The following TNR variants were observed in gnomAD, a reference collection of about 807,000 sequenced individuals.
TNR encodes the protein tenascin R.
A neutral mutation model predicts 150.4 loss-of-function variants in TNR; 45 were observed. That is an observed-to-expected ratio of 0.30 (90% CI 0.24 to 0.38). TNR has a LOEUF of 0.38. TNR is among the 10% of genes least tolerant of loss of function. The probability of loss-of-function intolerance (pLI) is 1.00; values close to 1 mark genes in which losing one functional copy is unlikely to be tolerated. For missense variants in TNR, 1,544 were observed against 1,759.1 expected, an observed-to-expected ratio of 0.88 and a Z score of 2.19; for synonymous variants, 687 against 678.4, an observed-to-expected ratio of 1.01 and a Z score of -0.20.
intron 1 of TNR, among the ~76,000 whole-genome samples, chr1:175,564,290 C>T (rs376447755): frequency 6.6e-6 from 1 of 152,086 alleles, no homozygotes; most frequent in Non-Finnish European, 1.5e-5. Context: ...GCAGGACGGG[C>T]GGCTGCGAAG....
At chr1:175,442,152 T>A (rs1655818656) in intron 2 of TNR, among the ~76,000 whole-genome samples, 1 of 152,230 alleles carries the variant, frequency 6.6e-6, no homozygotes, top group African/African-American at 2.4e-5. Flanking sequence ...CAGTCAATTT[T>A]AGTTTGCCTC....
chr1:175,391,231 G>A (rs1237517455), intron 7 of TNR, 57 bp downstream of exon 7: 5 of 1,589,050 alleles, frequency 3.1e-6, no homozygotes, highest in Admixed American at 3.5e-5. Context: ...CAATTCTGTG[G>A]TTCTTTTCCA....
At chr1:175,447,017 G>A (rs1656085557) in intron 2 of TNR, among the ~76,000 whole-genome samples, 1 of 152,184 alleles carries the variant, frequency 6.6e-6, no homozygotes, top group East Asian at 1.9e-4. Context: ...ACATATATGT[G>A]TGGTATGTTA....
chr1:175,470,038 G>A (rs1657214919), intron 2 of TNR, among the ~76,000 whole-genome samples: 1 of 152,140 alleles, frequency 6.6e-6, no homozygotes, highest in Non-Finnish European at 1.5e-5. Flanking sequence ...TTTCTAACTG[G>A]CATGGTTGGT....
At chr1:175,574,745 G>T (rs1662033312) in intron 1 of TNR, among the ~76,000 whole-genome samples, 1 of 152,222 alleles carries the variant, frequency 6.6e-6, no homozygotes, top group Non-Finnish European at 1.5e-5. Context: ...ACCCTTGTGT[G>T]TAAGGACTGC....
At chr1:175,407,074 G>C (rs943464482) in intron 2 of TNR, among the ~76,000 whole-genome samples, 11 of 152,218 alleles carry the variant, frequency 7.2e-5, no homozygotes, top group African/African-American at 2.7e-4. Context: ...CATGAGGGCT[G>C]GGGGCTGGGG....
intron 2 of TNR, among the ~76,000 whole-genome samples, chr1:175,440,391 G>A (rs1655729119): frequency 6.9e-6 from 1 of 145,886 alleles, no homozygotes; most frequent in Non-Finnish European, 1.5e-5. Context: ...GGCGGGTGGG[G>A]GGAGGGATAG....
chr1:175,541,438 AC>A (rs1167359200), intron 1 of TNR, among the ~76,000 whole-genome samples: 1 of 152,234 alleles, frequency 6.6e-6, no homozygotes, highest in Non-Finnish European at 1.5e-5. Flanking sequence ...CAGAGGGAAA[AC>A]AAACAAGTGA....
intron 1 of TNR, among the ~76,000 whole-genome samples, chr1:175,721,515 C>T (rs576231332): frequency 2.4e-4 from 37 of 152,256 alleles, no homozygotes; most frequent in Non-Finnish European, 5.0e-4. Flanking sequence ...CACCCAGCTG[C>T]CTCCTAACTG....
rs561793293 is a variant in TNR at position 175,522,736 on chromosome 1, A to G, written c.-64+5533T>C. 7.5e-4 allele frequency among the ~76,000 whole-genome samples: 114 copies of G among 152,316 alleles called. 1 individual carries two copies. The highest frequency in any genetic ancestry group is 6.8e-3 in the Middle Eastern group (2 of 294). ...AAAGATGCCCCCCCACAAAAAATAA[A>G]GCTGTTATGAGGCCATTTAGGTCCA... On this transcript the variant is annotated intron_variant, in intron 2 of 22. Transcript: ENST00000367674.
At position 175,396,786 on chromosome 1, in the gene TNR, C is replaced by T. The variant is rs776885692; in HGVS notation, c.998G>A (p.Arg333Gln). 8 of 1,613,870 alleles carry T rather than the reference C, an allele frequency of 5.0e-6. No homozygotes were observed. The highest frequency in any genetic ancestry group is 4.5e-5 in the East Asian group (2 of 44,874). ...CSAVAPPEDL[R>Q]VAGISDRSIE... ...GGACCTGTCGCTGATACCAGCCACT[C>T]GCAAGTCCTCTGGAGGGGCAACTAC... The change falls in exon 5 of 23, where the codon CGA becomes CAA. Residue 333 changes from arginine to glutamine, a missense_variant. Physicochemically the swap from Arg to Gln is conservative, Grantham distance 43 (BLOSUM62 1). Transcript: ENST00000367674.
At chr1:175,473,968 G>A (rs554042743) in intron 2 of TNR, among the ~76,000 whole-genome samples, 1 of 152,232 alleles carries the variant, frequency 6.6e-6, no homozygotes, top group East Asian at 1.9e-4. Context: ...TGCACAAGCC[G>A]TTCTGTGGAA....
At chr1:175,557,080 A>G (rs949458759) in intron 1 of TNR, among the ~76,000 whole-genome samples, 2 of 152,320 alleles carry the variant, frequency 1.3e-5, no homozygotes, top group African/African-American at 2.4e-5. Flanking sequence ...CAGGAATTGA[A>G]GGCAGCCTCT....
At chr1:175,353,781 T>C (rs940542676) in intron 18 of TNR, among the ~76,000 whole-genome samples, 4 of 152,184 alleles carry the variant, frequency 2.6e-5, no homozygotes, top group Non-Finnish European at 5.9e-5. Context: ...AAGAGAAAGA[T>C]AAACTTTGCT....
intron 18 of TNR, among the ~76,000 whole-genome samples, chr1:175,349,150 G>A (rs116063775): frequency 0.011 from 1,738 of 152,294 alleles, 29 homozygotes; most frequent in African/African-American, 0.039. Context: ...GTTGGAGGGA[G>A]TGTAGACTAG....
chr1:175,706,986 C>A (rs74873626), intron 1 of TNR, among the ~76,000 whole-genome samples: 1 of 152,100 alleles, frequency 6.6e-6, no homozygotes, highest in Non-Finnish European at 1.5e-5. Flanking sequence ...GAGAAGCTTA[C>A]GGTGATATGA....
chr1:175,501,091 G>A (rs936755610), intron 2 of TNR, among the ~76,000 whole-genome samples: 1 of 152,100 alleles, frequency 6.6e-6, no homozygotes, highest in African/African-American at 2.4e-5. Context: ...GTAGGGCAAT[G>A]GGGAGTTTGC....
intron 2 of TNR, among the ~76,000 whole-genome samples, chr1:175,411,579 G>T (rs1571403172): frequency 6.6e-6 from 1 of 151,536 alleles, no homozygotes; most frequent in Non-Finnish European, 1.5e-5. Context: ...AGCTGCTGGT[G>T]GCTGCTAGCA....
chr1:175,403,604 T>C lies in TNR; in HGVS notation c.512A>G (p.Tyr171Cys), dbSNP rs1373031425. 1 of 1,612,796 alleles carries C rather than the reference T, an allele frequency of 6.2e-7. No homozygotes were observed. Among genetic ancestry groups the C allele is most frequent in the Non-Finnish European group, 8.5e-7 (1 of 1,179,296 alleles). The change falls in exon 4 of 23, where the codon TAT becomes TGT. Residue 171 changes from tyrosine (Y) to cysteine (C), a missense_variant. Around this residue, in one of 2 missense-constraint regions of TNR, gnomAD observed 1,254 missense variants for 1,329.4 expected, o/e 0.94. Transcript: ENST00000367674. The part of the protein sequence containing the change: ...QESAATGQLD[Y>C]IPHCSGHGNF... ...GCCGTGGCCACTGCAGTGAGGGATA[T>C]AGTCCAGTTGTCCTGGAATGGTCAA...
Sources: allele counts gnomAD v4.1 joint callset (sites outside exome capture counted in the v4.1 genomes callset), GRCh38; gene constraint gnomAD v4.1.1; regional missense constraint gnomAD v4.1.1; transcripts MANE v1.5; gene names NCBI Gene and HGNC (gene_info 2026-07-23, HGNC 2026-07-21).